The following RAP1GDS1 variants were observed in gnomAD, a reference collection of about 807,000 sequenced individuals.
The protein encoded by RAP1GDS1 is RAP1, GTP-GDP dissociation stimulator 1.
In RAP1GDS1, 35 loss-of-function variants were observed where a neutral mutation model predicts 71.1. The ratio of observed to expected loss-of-function variants is 0.49; its 90% CI spans 0.38 to 0.65. The LOEUF is 0.65. RAP1GDS1 is among the 30% of genes least tolerant of loss of function. RAP1GDS1 has a pLI of 0.00. For missense variants in RAP1GDS1, 663 were observed against 706.1 expected (o/e 0.94, Z 0.69); for synonymous variants, 229 against 243.1 (o/e 0.94, Z 0.54).
intron 2 of RAP1GDS1, among the ~76,000 whole-genome samples, chr4:98,319,713 G>A (rs549251887): frequency 2.7e-5 from 4 of 148,368 alleles, no homozygotes; most frequent in African/African-American, 7.5e-5. Flanking sequence ...CTCGGTAGGC[G>A]AAGGTTTCAG....
intron 5 of RAP1GDS1, among the ~76,000 whole-genome samples, chr4:98,391,305 G>T (rs1743621474): frequency 6.6e-6 from 1 of 152,046 alleles, no homozygotes; most frequent in Non-Finnish European, 1.5e-5. Context: ...CTCTAAGCCA[G>T]ACTTTCCTCT....
intron 2 of RAP1GDS1, among the ~76,000 whole-genome samples, chr4:98,340,293 A>T (rs1459397807): frequency 1.3e-5 from 2 of 152,236 alleles, no homozygotes; most frequent in Non-Finnish European, 2.9e-5. Flanking sequence ...TACTGGATAA[A>T]GAAAATGTGG....
intron 1 of RAP1GDS1, among the ~76,000 whole-genome samples, chr4:98,275,404 A>G (rs937026607): frequency 1.3e-5 from 2 of 152,196 alleles, no homozygotes; most frequent in African/African-American, 4.8e-5. Context: ...CAACTCTGCT[A>G]TCATAATGCA....
At chr4:98,403,593 G>A (rs1745728476) in intron 6 of RAP1GDS1, among the ~76,000 whole-genome samples, 1 of 152,128 alleles carries the variant, frequency 6.6e-6, no homozygotes, top group African/African-American at 2.4e-5. Flanking sequence ...TAAATAGCCT[G>A]ATGTCCAGAA....
chr4:98,324,192 A>G (rs1473109373), intron 2 of RAP1GDS1, among the ~76,000 whole-genome samples: 4 of 142,810 alleles, frequency 2.8e-5, no homozygotes, highest in Non-Finnish European at 6.1e-5. Context: ...AGAATAAAAT[A>G]CCTAGGAATC....
chr4:98,414,489 T>G (rs1301067591), intron 7 of RAP1GDS1, among the ~76,000 whole-genome samples: 2 of 149,856 alleles, frequency 1.3e-5, no homozygotes, highest in African/African-American at 5.0e-5. Flanking sequence ...TCCCCATTGC[T>G]TGTTTTTCTC....
At chr4:98,440,985 G>A (rs1261629228) in intron 14 of RAP1GDS1, among the ~76,000 whole-genome samples, 3 of 152,174 alleles carry the variant, frequency 2.0e-5, no homozygotes, top group African/African-American at 4.8e-5. Context: ...GAGCCACCAC[G>A]CCTGGCCCAA....
chr4:98,329,878 T>C (rs954497573), intron 2 of RAP1GDS1, among the ~76,000 whole-genome samples: 10 of 152,054 alleles, frequency 6.6e-5, no homozygotes, highest in Admixed American at 5.2e-4. Flanking sequence ...GTATTTATTG[T>C]GCACAAGTGA....
intron 1 of RAP1GDS1, among the ~76,000 whole-genome samples, chr4:98,263,031 TTAAAG>T (rs1722249644): frequency 1.3e-5 from 2 of 152,256 alleles, no homozygotes; most frequent in Non-Finnish European, 1.5e-5. Context: ...TGCCTTTCTC[TTAAAG>T]TAGATTTTTA....
At chr4:98,336,343 C>A (rs929435721) in intron 2 of RAP1GDS1, among the ~76,000 whole-genome samples, 1 of 152,052 alleles carries the variant, frequency 6.6e-6, no homozygotes, top group Non-Finnish European at 1.5e-5. Flanking sequence ...TGCTTTATGA[C>A]CTACTTAGTG....
chr4:98,305,905 T>C (rs1322603128), intron 2 of RAP1GDS1, among the ~76,000 whole-genome samples: 1 of 152,208 alleles, frequency 6.6e-6, no homozygotes, highest in African/African-American at 2.4e-5. Context: ...AGAAATGTGA[T>C]TTGAAATGAT....
intron 2 of RAP1GDS1, among the ~76,000 whole-genome samples, chr4:98,321,239 T>G (rs1242172967): frequency 1.4e-5 from 2 of 143,212 alleles, no homozygotes. Context: ...TAAAAAGAAA[T>G]GAGCAAAGCC....
At chr4:98,391,931 G>GTTT (rs749216891) in intron 5 of RAP1GDS1, 21 bp from the exon 6 acceptor site, 9 of 1,340,894 alleles carry the variant, frequency 6.7e-6, no homozygotes, top group East Asian at 5.5e-5. Flanking sequence ...TTCTGTTGTT[G>GTTT]TTTTTTTTTT....
At chr4:98,368,067 TGTGGGAGGGACCCA>T (rs1739787678) in intron 4 of RAP1GDS1, among the ~76,000 whole-genome samples, 1 of 152,104 alleles carries the variant, frequency 6.6e-6, no homozygotes, top group South Asian at 2.1e-4. Flanking sequence ...TCCCATGTAT[TGTGGGAGGGACCCA>T]GTGGGAGATA....
intron 4 of RAP1GDS1, among the ~76,000 whole-genome samples, chr4:98,360,434 G>A (rs1476625571): frequency 1.3e-5 from 2 of 151,892 alleles, no homozygotes; most frequent in Non-Finnish European, 2.9e-5. Context: ...CTTAGGTAGG[G>A]TGGGAAAAGT....
intron 1 of RAP1GDS1, among the ~76,000 whole-genome samples, chr4:98,268,697 CAAG>C (rs1218621124): frequency 6.6e-6 from 1 of 151,870 alleles, no homozygotes; most frequent in African/African-American, 2.4e-5. Flanking sequence ...AGGATGTAAT[CAAG>C]AAAACAATCC....
chr4:98,414,786 A>G (rs1282450182), intron 7 of RAP1GDS1, among the ~76,000 whole-genome samples: 1 of 152,058 alleles, frequency 6.6e-6, no homozygotes. Context: ...GATGGCATTG[A>G]ATCTGTAAAT....
intron 5 of RAP1GDS1, among the ~76,000 whole-genome samples, chr4:98,381,021 G>T (rs539022770): frequency 6.6e-6 from 1 of 151,716 alleles, no homozygotes; most frequent in African/African-American, 2.4e-5. Flanking sequence ...AGTGTGTAGA[G>T]AAGTGTTCTG....
At chr4:98,329,533 T>C (rs1054235088) in intron 2 of RAP1GDS1, among the ~76,000 whole-genome samples, 2 of 152,072 alleles carry the variant, frequency 1.3e-5, no homozygotes, top group African/African-American at 4.8e-5. Context: ...CTCATGCCTG[T>C]AATCCCAACA....
Sources: gnomAD v4.1 joint callset for allele counts (sites outside exome capture counted in the v4.1 genomes callset) on GRCh38, gnomAD v4.1.1 for gene constraint, MANE v1.5 for transcripts, NCBI Gene and HGNC (gene_info 2026-07-23, HGNC 2026-07-21) for gene names.